The following SMARCA2 variants were observed in gnomAD, a reference collection of about 807,000 sequenced individuals.
The protein encoded by SMARCA2 is SWI/SNF-related matrix-associated actin-dependent regulator of chromatin subfamily A member 2.
A neutral mutation model predicts 199.8 loss-of-function variants in SMARCA2; 61 were observed. That is an observed-to-expected ratio of 0.31 (90% CI 0.25 to 0.38). The LOEUF is 0.38. Ranked by LOEUF, SMARCA2 falls within the 10% of genes least tolerant of loss-of-function variation. The pLI is 1.00. For synonymous variants in SMARCA2, 935 were observed against 732.0 expected (o/e 1.28, Z -4.48); for missense variants, 1,344 against 2,012.2 (o/e 0.67, Z 6.35).
intron 32 of SMARCA2, among the ~76,000 whole-genome samples, chr9:2,188,583 G>A (rs1008008417): frequency 1.6e-4 from 24 of 152,134 alleles, no homozygotes; most frequent in African/African-American, 5.6e-4. Context: ...TTTTCAAAGA[G>A]CTGCTCTCTT....
intron 29 of SMARCA2, chr9:2,181,366 A>C (rs1430792604): frequency 2.2e-6 from 1 of 452,222 alleles, no homozygotes; most frequent in African/African-American, 2.0e-5. Context: ...AGTGGGGACC[A>C]AATTGTATTT....
At chr9:2,048,774 G>T (rs1819992821) in intron 5 of SMARCA2, among the ~76,000 whole-genome samples, 1 of 152,180 alleles carries the variant, frequency 6.6e-6, no homozygotes, top group South Asian at 2.1e-4. Flanking sequence ...CAGAGAGCTA[G>T]ATACTCATTG....
intron 27 of SMARCA2, among the ~76,000 whole-genome samples, chr9:2,134,795 A>G (rs1349702115): frequency 4.6e-5 from 7 of 152,116 alleles, no homozygotes; most frequent in Admixed American, 4.6e-4. Flanking sequence ...GTACTCTTAT[A>G]AAGGGGACCC....
intron 19 of SMARCA2, among the ~76,000 whole-genome samples, chr9:2,092,414 GC>G (rs1220170059): frequency 6.6e-6 from 1 of 152,140 alleles, no homozygotes; most frequent in African/African-American, 2.4e-5. Context: ...CCTCTCTCAT[GC>G]CATAGCGTTT....
At chr9:2,097,295 G>A (rs1312059752) in intron 20 of SMARCA2, 90 bp from the exon 21 acceptor site, 6 of 816,426 alleles carry the variant, frequency 7.3e-6, no homozygotes, top group Non-Finnish European at 1.0e-5. Flanking sequence ...ATGGTCCTTT[G>A]TCCTTTGTAT....
intron 1 of SMARCA2, among the ~76,000 whole-genome samples, chr9:2,019,466 C>G (rs1341703653): frequency 6.9e-6 from 1 of 144,604 alleles, no homozygotes; most frequent in Non-Finnish European, 1.5e-5. Flanking sequence ...TTGAAAAGTG[C>G]TTTGACCAAC....
At chr9:2,172,803 T>C (rs1826329689) in intron 29 of SMARCA2, among the ~76,000 whole-genome samples, 1 of 151,362 alleles carries the variant, frequency 6.6e-6, no homozygotes, top group Admixed American at 6.6e-5. Context: ...AGAGGGGAGG[T>C]GACACCCAGG....
At chr9:2,162,105 G>C (rs1418851798) in intron 28 of SMARCA2, among the ~76,000 whole-genome samples, 1 of 152,146 alleles carries the variant, frequency 6.6e-6, no homozygotes, top group Non-Finnish European at 1.5e-5. Flanking sequence ...TATTATTTAA[G>C]ATAGTTGAAA....
intron 27 of SMARCA2, among the ~76,000 whole-genome samples, chr9:2,146,012 T>A (rs1824723566): frequency 6.6e-6 from 1 of 152,106 alleles, no homozygotes; most frequent in Non-Finnish European, 1.5e-5. Context: ...GGGCTTTGTG[T>A]TCCTATTATT....
chr9:2,055,410 G>T (rs1820307348), intron 6 of SMARCA2, among the ~76,000 whole-genome samples: 1 of 152,188 alleles, frequency 6.6e-6, no homozygotes, highest in South Asian at 2.1e-4. Context: ...TTGCCTTGTG[G>T]ACTGAAAAGG....
chr9:2,174,584 G>A (rs944970934), intron 29 of SMARCA2, among the ~76,000 whole-genome samples: 1 of 152,098 alleles, frequency 6.6e-6, no homozygotes. Context: ...TAATTTGGTC[G>A]CAATTCAGCC....
intron 5 of SMARCA2, among the ~76,000 whole-genome samples, chr9:2,049,596 C>A (rs1409694592): frequency 6.6e-6 from 1 of 152,174 alleles, no homozygotes; most frequent in Non-Finnish European, 1.5e-5. Flanking sequence ...GTCATGGGTC[C>A]TTTGGTCTGA....
chr9:2,026,952 T>C (rs1818857855), intron 1 of SMARCA2, among the ~76,000 whole-genome samples: 1 of 152,186 alleles, frequency 6.6e-6, no homozygotes, highest in Non-Finnish European at 1.5e-5. Flanking sequence ...TCCCCTGTTG[T>C]TTAGAAGCCA....
At chr9:2,060,240 G>C (rs1820529295) in intron 8 of SMARCA2, among the ~76,000 whole-genome samples, 1 of 149,552 alleles carries the variant, frequency 6.7e-6, no homozygotes. Context: ...TTTGTTAAAA[G>C]CCCATTTGAT....
chr9:2,182,114 C>G, intron 30 of SMARCA2, 27 bp from the exon 31 acceptor site: 1 of 1,413,578 alleles, frequency 7.1e-7, no homozygotes, highest in Non-Finnish European at 1.0e-6. Context: ...CTCTTTTTTT[C>G]TCCATTTTCT....
rs777462019 is a variant in SMARCA2, at chr9:2,182,257, GT to G, written c.4461+17del. The G allele has an allele frequency of 2.7e-4, 416 of 1,545,758 alleles. 1 individual carries two copies. The highest frequency in any genetic ancestry group is 3.5e-4 in the Non-Finnish European group (390 of 1,123,418). The stretch of plus-strand genomic sequence containing the variant: ...AGGGATCCCAGGTCTGTCTTGTTAA[GT>G]TGTCTAAAAGTTCTTAACTGTAAAT... On this transcript the variant is annotated intron_variant, in intron 31 of 33. Transcript: ENST00000349721.
chr9:2,063,203 A>G (rs1454688359), intron 9 of SMARCA2, among the ~76,000 whole-genome samples: 2 of 152,222 alleles, frequency 1.3e-5, no homozygotes, highest in Non-Finnish European at 2.9e-5. Flanking sequence ...AAAAAAAGAA[A>G]AGAAACTGAG....
chr9:2,176,199 T>C (rs901699662), intron 29 of SMARCA2, among the ~76,000 whole-genome samples: 2 of 147,822 alleles, frequency 1.4e-5, no homozygotes, highest in Non-Finnish European at 3.0e-5. Flanking sequence ...TTTTTTTTTT[T>C]TTTTATAATG....
intron 24 of SMARCA2, among the ~76,000 whole-genome samples, chr9:2,111,137 T>A (rs1394637345): frequency 6.6e-6 from 1 of 150,560 alleles, no homozygotes; most frequent in African/African-American, 2.4e-5. Context: ...GGATATTGGG[T>A]AGGGTGATAT....
Sources: allele counts gnomAD v4.1 joint callset (sites outside exome capture counted in the v4.1 genomes callset), GRCh38; gene constraint gnomAD v4.1.1; transcripts MANE v1.5; gene names NCBI Gene and HGNC (gene_info 2026-07-23, HGNC 2026-07-21).